The following RAD9A variants were observed in gnomAD, a reference collection of about 807,000 sequenced individuals.
RAD9A encodes the protein RAD9 checkpoint clamp component A.
In RAD9A, 25 loss-of-function variants were observed where a neutral mutation model predicts 41.2. That is an observed-to-expected ratio of 0.61 (90% CI 0.44 to 0.85). RAD9A has a LOEUF of 0.85. RAD9A is among the 40% of genes least tolerant of loss of function. RAD9A has a pLI of 0.00. For synonymous variants in RAD9A, 252 were observed against 210.6 expected, an observed-to-expected ratio of 1.20 and a Z score of -1.70; for missense variants, 514 against 518.3, an observed-to-expected ratio of 0.99 and a Z score of 0.08.
At position 67,398,230 on chromosome 11, in the gene RAD9A, A is replaced by C; in HGVS notation, c.*671A>C. ...TTCAAGAGACCAGATGGGTTGCCCCAGGATCCGGCTGCCAGCCCTGAGGCC... is the reference window on the plus strand; with the variant it reads ...TTCAAGAGACCAGATGGGTTGCCCCCGGATCCGGCTGCCAGCCCTGAGGCC... On this transcript the variant is annotated 3_prime_UTR_variant, in exon 11 of 11. Transcript: ENST00000307980. 1 of 426,764 alleles carries C rather than the reference A, an allele frequency of 2.3e-6. No homozygotes were observed. The highest frequency in any genetic ancestry group is 2.9e-5 in the South Asian group (1 of 34,358). 26.4% of individuals were successfully genotyped at this position (426,764 alleles called of 1,614,324 possible).
intron 10 of RAD9A, 21 bp downstream of exon 10, chr11:67,397,407 C>T: frequency 1.3e-6 from 2 of 1,587,536 alleles, no homozygotes; most frequent in Non-Finnish European, 1.7e-6. Context: ...GAGGTGGAGG[C>T]AGGGGTGGGA....
rs571977384 is a variant in RAD9A at position 67,397,791 on chromosome 11, G to A, written c.*232G>A. The A allele has an allele frequency of 4.4e-5, 24 of 549,496 alleles. No homozygotes were observed. The highest frequency in any genetic ancestry group is 4.7e-4 in the Middle Eastern group (1 of 2,108). The allele number at this position is 549,496 out of a possible 1,614,324, so 34.0% of individuals were successfully genotyped here. ...CAGCCAATCAGGACTTTCCAGACTT[G>A]GCCCTGAACTACTGACGTTCCTACC... On this transcript the variant is annotated 3_prime_UTR_variant, in exon 11 of 11. Coordinates refer to ENST00000307980, the MANE Select transcript of RAD9A (RefSeq NM_004584.3).
intron 9 of RAD9A, among the ~76,000 whole-genome samples, 182 bp downstream of exon 9, chr11:67,396,582 C>G (rs1350815929): frequency 6.6e-6 from 1 of 152,216 alleles, no homozygotes; most frequent in Admixed American, 6.5e-5. Flanking sequence ...TCAGCCTTCT[C>G]GGTTAGCTGT....
In RAD9A at chr11:67,392,821, A is replaced by G. The variant is rs747238700; in HGVS notation, c.234+39A>G. ...CTCAGCAGTGGCACTACTCCACCCC[A>G]GGAATCTCCACCAGCTGTGCCTCTG... On this transcript the variant is annotated intron_variant, in intron 3 of 10. Coordinates refer to ENST00000307980, the MANE Select transcript of RAD9A (RefSeq NM_004584.3). 8 of 1,607,472 alleles carry G rather than the reference A, an allele frequency of 5.0e-6. No individual in the cohort carries two copies. The Admixed American group carries it at 1.2e-4, about 23-fold the overall frequency.
rs1342876204 is a variant in RAD9A at position 67,395,911 on chromosome 11, G to C, written c.560-1G>C. 2.5e-6 allele frequency: 4 copies of C among 1,614,136 alleles called. No homozygotes were observed. The highest frequency in any genetic ancestry group is 2.5e-6 in the Non-Finnish European group (3 of 1,180,024). ...AGGTTACTCCTGTTCTTCCCCAACA[G>C]ACAGCACTGCCAAAGCCATGGTGAC... On this transcript the variant is annotated splice_acceptor_variant, in intron 6 of 10. Coordinates refer to ENST00000307980, the MANE Select transcript of RAD9A (RefSeq NM_004584.3). LOFTEE classifies it high-confidence loss of function.
intron 4 of RAD9A, 28 bp downstream of exon 4, chr11:67,393,638 G>A (rs201587269): frequency 1.9e-6 from 3 of 1,613,746 alleles, no homozygotes; most frequent in Non-Finnish European, 2.5e-6. Context: ...CAGCCAAGGG[G>A]TGCCTCAGCA....
Position 67,396,172 on chromosome 11 carries a change from G to GGGA in RAD9A, c.731_732insGGA (p.Gly244_Arg245insAsp). The GGGA allele has an allele frequency of 1.9e-6, 3 of 1,613,970 alleles. No homozygotes were observed. Among genetic ancestry groups the GGGA allele is most frequent in the Non-Finnish European group, 2.5e-6 (3 of 1,179,860 alleles). The stretch of plus-strand genomic sequence containing the variant: ...CTTAGCATTCATTTTGATGCTCCAG[G>GGGA]CAGGTAGTTCCCAGCCTTGGGACAG... On this transcript the variant is annotated inframe_insertion, in exon 8 of 11. Coordinates refer to ENST00000307980, the MANE Select transcript of RAD9A (RefSeq NM_004584.3).
At chr11:67,392,595 AGGGCTGGGTCTGTGGCTGCC>A in intron 2 of RAD9A, 39 bp from the exon 3 acceptor site, 1 of 1,600,842 alleles carries the variant, frequency 6.2e-7, no homozygotes. Flanking sequence ...AAGCAGCCAG[AGGGCTGGGTCTGTGGCTGCC>A]CCCTGACCAC....
intron 9 of RAD9A, among the ~76,000 whole-genome samples, 197 bp from the exon 10 acceptor site, chr11:67,396,980 CAA>C (rs942857887): frequency 1.3e-5 from 2 of 152,150 alleles, no homozygotes; most frequent in African/African-American, 2.4e-5. Context: ...GAATTCTGAT[CAA>C]AGAGATTCCT....
rs764209105 is a variant in RAD9A at position 67,393,588 on chromosome 11, G to T, written c.327G>T (p.Val109=). The change falls in exon 4 of 11, where the codon GTG becomes GTT. Residue 109 remains valine, a synonymous_variant. Transcript: ENST00000307980. The part of the protein sequence containing the change: ...ISLNGRSSRL[V]VQLHCKFGVR... ...TGAATGGCCGGAGCAGCCGCCTGGT[G>T]GTCCAGCTGCATTGCAAGTTCGGTG... 3.7e-6 allele frequency: 6 copies of T among 1,614,206 alleles called. No homozygotes were observed. Among genetic ancestry groups the T allele is most frequent in the Non-Finnish European group, 8.5e-7 (1 of 1,180,036 alleles).
intron 2 of RAD9A, 40 bp from the exon 3 acceptor site, chr11:67,392,614 C>T: frequency 6.2e-7 from 1 of 1,609,412 alleles, no homozygotes. Context: ...TCTGTGGCTG[C>T]CCCCTGACCA....
chr11:67,395,661 A>T (rs974266851), intron 5 of RAD9A, 55 bp from the exon 6 acceptor site: 5 of 1,405,604 alleles, frequency 3.6e-6, no homozygotes, highest in Non-Finnish European at 4.9e-6. Context: ...GTCCTCCGAG[A>T]GCAAAGCCCT....
intron 2 of RAD9A, 22 bp downstream of exon 2, chr11:67,392,253 G>GT: frequency 1.3e-6 from 2 of 1,507,492 alleles, no homozygotes; most frequent in Non-Finnish European, 1.8e-6. Flanking sequence ...GGGTGTGGGG[G>GT]GCGGGTGGGA....
In RAD9A at chr11:67,392,128, C is replaced by T. The variant is rs545569648; in HGVS notation, c.35-33C>T. The T allele has an allele frequency of 9.3e-6, 15 of 1,609,926 alleles. No homozygotes were observed. In the Admixed American group the frequency reaches 2.2e-4, roughly 23 times the overall value. On this transcript the variant is annotated intron_variant, in intron 1 of 10. Transcript: ENST00000307980. ...GGCGGTGCAGCAGCCGCGGAGCCGC[C>T]AGCCTAACCCCCTTCCGCTCTTCTC...
chr11:67,396,070 A>C, intron 7 of RAD9A, 41 bp from the exon 8 acceptor site: 1 of 1,613,350 alleles, frequency 6.2e-7, no homozygotes, highest in South Asian at 1.1e-5. Flanking sequence ...TGCCCAGCTC[A>C]GCCCAGCCCG....
At chr11:67,395,464 T>C (rs916352231) in intron 5 of RAD9A, among the ~76,000 whole-genome samples, 14 of 152,168 alleles carry the variant, frequency 9.2e-5, no homozygotes, top group Non-Finnish European at 2.9e-5. Context: ...AGGCCGGGTT[T>C]GTAGGGTGGC....
rs769530893 is a variant in RAD9A, at chr11:67,397,998, C to T, written c.*439C>T. ...GTCCTGGGCATGCATCTGGGACCCC[C>T]GTGGAGCTGACAAGTTTTCCTTGCT... On this transcript the variant is annotated 3_prime_UTR_variant, in exon 11 of 11. Coordinates refer to ENST00000307980, the MANE Select transcript of RAD9A (RefSeq NM_004584.3). 5 of 199,706 alleles carry T rather than the reference C, an allele frequency of 2.5e-5. No homozygotes were observed. Among genetic ancestry groups the T allele is most frequent in the South Asian group, 9.1e-5 (1 of 10,966 alleles). 12.4% of individuals were successfully genotyped at this position (199,706 alleles called of 1,614,324 possible).
rs780112705 is a variant in RAD9A at position 67,396,027 on chromosome 11, G to A, written c.669+6G>A. On this transcript the variant is annotated splice_donor_region_variant and intron_variant, in intron 7 of 10. Transcript: ENST00000307980. ...TCTGCCTCAAGGAATTCCGGGTGAG[G>A]TTCCTCCCAGGCGCTCGCCGTCCTG... 2 of 1,614,098 alleles carry A rather than the reference G, an allele frequency of 1.2e-6. No homozygotes were observed. The highest frequency in any genetic ancestry group is 2.2e-5 in the South Asian group (2 of 91,084).
Position 67,397,503 on chromosome 11 carries a change from C to A in RAD9A, c.1120C>A (p.Arg374Ser). ...CTTCGGCTCCATCCTGGCCCCTGTA[C>A]GCTCCCCCCAGGGCCCCAGCCCTGT... ...LFFGSILAPV[R>S]SPQGPSPVLA... The change falls in exon 11 of 11, where the codon CGC (arginine) becomes AGC (serine). Residue 374 changes from arginine (R) to serine (S), a missense_variant. Physicochemically the swap from Arg to Ser is moderately radical, Grantham distance 110. Around this residue, in one of 3 missense-constraint regions of RAD9A, gnomAD observed 216 missense variants for 184.2 expected, o/e 1.17. Coordinates refer to ENST00000307980, the MANE Select transcript of RAD9A (RefSeq NM_004584.3). 2 of 1,612,536 alleles carry A rather than the reference C, an allele frequency of 1.2e-6. No individual in the cohort carries two copies. The highest frequency in any genetic ancestry group is 1.7e-6 in the Non-Finnish European group (2 of 1,179,156).
Sources: allele counts gnomAD v4.1 joint callset (sites outside exome capture counted in the v4.1 genomes callset), GRCh38; gene constraint gnomAD v4.1.1; regional missense constraint gnomAD v4.1.1; transcripts MANE v1.5; gene names NCBI Gene and HGNC (gene_info 2026-07-23, HGNC 2026-07-21).